Variants in GPR158 observed in about 807,000 individuals in gnomAD.
GPR158 encodes metabotropic glycine receptor.
In GPR158, 30 loss-of-function variants were observed where a neutral mutation model predicts 78.2. The ratio of observed to expected loss-of-function variants is 0.38; its 90% CI spans 0.29 to 0.52. The LOEUF (loss-of-function observed/expected upper bound fraction) is 0.52, where lower values mean the gene tolerates loss of function less well. Among genes scored for constraint, GPR158 ranks in the 20% least tolerant of loss-of-function variants. The probability of loss-of-function intolerance (pLI) is 0.83; values close to 1 mark genes in which losing one functional copy is unlikely to be tolerated. For synonymous variants in GPR158, 581 were observed against 591.1 expected (o/e 0.98, Z 0.25); for missense variants, 1,463 against 1,523.5 (o/e 0.96, Z 0.66).
chr10:25,563,891 T>TAGTTTA (rs1481926890), intron 6 of GPR158, among the ~76,000 whole-genome samples: 2 of 152,168 alleles, frequency 1.3e-5, no homozygotes, highest in African/African-American at 4.8e-5. Context: ...AGGTATCGTT[T>TAGTTTA]CTATTAGTGT....
At chr10:25,188,254 G>A (rs982536241) in intron 1 of GPR158, among the ~76,000 whole-genome samples, 2 of 152,140 alleles carry the variant, frequency 1.3e-5, no homozygotes, top group African/African-American at 2.4e-5. Context: ...AGCTCCCAAT[G>A]ACTTTCTTCA....
Position 25,531,119 on chromosome 10 carries a change from A to G in GPR158, c.1405-19857A>G, listed in dbSNP as rs1836417057. Among the ~76,000 whole-genome samples, 5 of 152,358 alleles carry G rather than the reference A, an allele frequency of 3.3e-5. No individual in the cohort carries two copies. In the South Asian group the frequency reaches 1.0e-3, roughly 32 times the overall value. ...TGATTAGTAAGAAAAATATTCTTGAACAATTCTTTTTTTGGAACCTTTAAG... is the reference window on the plus strand; with the variant it reads ...TGATTAGTAAGAAAAATATTCTTGAGCAATTCTTTTTTTGGAACCTTTAAG... On this transcript the variant is annotated intron_variant, in intron 5 of 10. Coordinates refer to ENST00000376351, the MANE Select transcript of GPR158 (RefSeq NM_020752.3).
At chr10:25,329,001 A>G (rs1855079061) in intron 2 of GPR158, among the ~76,000 whole-genome samples, 1 of 151,492 alleles carries the variant, frequency 6.6e-6, no homozygotes, top group Non-Finnish European at 1.5e-5. Context: ...TCAGTTTAGT[A>G]ATGTTTCTGT....
chr10:25,368,247 T>C (rs1475027735), intron 2 of GPR158, among the ~76,000 whole-genome samples: 1 of 151,802 alleles, frequency 6.6e-6, no homozygotes, highest in Admixed American at 6.6e-5. Context: ...AATCCTTGTT[T>C]CAGGATCTAC....
chr10:25,301,827 A>AT (rs138590721), intron 2 of GPR158, among the ~76,000 whole-genome samples: 30,746 of 151,994 alleles, frequency 0.2, 5,251 homozygotes, highest in African/African-American at 0.47. Flanking sequence ...CCACTTGCCA[A>AT]TAAGATGTGT....
At chr10:25,253,135 G>A (rs894889767) in intron 2 of GPR158, among the ~76,000 whole-genome samples, 9 of 150,980 alleles carry the variant, frequency 6.0e-5, no homozygotes, top group African/African-American at 1.7e-4. Flanking sequence ...GACCCCTTGC[G>A]CTTCCCAGGT....
intron 1 of GPR158, among the ~76,000 whole-genome samples, chr10:25,204,826 T>TTTTG (rs1852997347): frequency 6.6e-6 from 1 of 151,202 alleles, no homozygotes; most frequent in Admixed American, 6.6e-5. Flanking sequence ...GGGTTTTTTT[T>TTTTG]TTTTTTTTTT....
intron 4 of GPR158, among the ~76,000 whole-genome samples, chr10:25,456,744 C>G (rs893799639): frequency 6.6e-6 from 1 of 151,940 alleles, no homozygotes; most frequent in African/African-American, 2.4e-5. Context: ...TTGAACTTCT[C>G]TAAATATAAA....
At chr10:25,347,419 T>C (rs1281678025) in intron 2 of GPR158, among the ~76,000 whole-genome samples, 1 of 152,034 alleles carries the variant, frequency 6.6e-6, no homozygotes, top group Non-Finnish European at 1.5e-5. Flanking sequence ...GTTCTATCTG[T>C]CAACTGTTTT....
chr10:25,315,170 G>T (rs1369034265), intron 2 of GPR158, among the ~76,000 whole-genome samples: 1 of 151,782 alleles, frequency 6.6e-6, no homozygotes, highest in Non-Finnish European at 1.5e-5. Flanking sequence ...CAGAGTTTTG[G>T]TCTGCTATTT....
At chr10:25,251,012 A>T (rs1003266278) in intron 2 of GPR158, among the ~76,000 whole-genome samples, 1 of 151,698 alleles carries the variant, frequency 6.6e-6, no homozygotes, top group Non-Finnish European at 1.5e-5. Flanking sequence ...TTGGGTGCAT[A>T]TATATTTAGG....
rs1160369377 is a variant in GPR158 at position 25,176,876 on chromosome 10, G to A, written c.902+554G>A. On this transcript the variant is annotated intron_variant, in intron 1 of 10. Coordinates refer to ENST00000376351, the MANE Select transcript of GPR158 (RefSeq NM_020752.3). This position sits in a 1 kb window ranked among gnomAD's most constrained non-coding sequence, Gnocchi z 6.3. ...ATTAAAACTGTGCCATCTCCTCGCA[G>A]TTCCGGCCCCTCAGCAGTGAGTCAG... 6.6e-6 allele frequency among the ~76,000 whole-genome samples: 1 copy of A among 152,210 alleles called. No individual in the cohort carries two copies. The highest frequency in any genetic ancestry group is 2.4e-5 in the African/African-American group (1 of 41,452).
chr10:25,579,757 C>T (rs1837162715), intron 7 of GPR158, among the ~76,000 whole-genome samples: 1 of 152,196 alleles, frequency 6.6e-6, no homozygotes, highest in Non-Finnish European at 1.5e-5. Flanking sequence ...ACAGTTTCTT[C>T]CAGAAGTTAG....
rs371327078 is a variant in GPR158, at chr10:25,175,388, C to A, written c.-33C>A. 3 of 1,338,318 alleles carry A rather than the reference C, an allele frequency of 2.2e-6. No individual in the cohort carries two copies. The highest frequency in any genetic ancestry group is 3.1e-6 in the Non-Finnish European group (3 of 973,908). 82.9% of individuals were successfully genotyped at this position (1,338,318 alleles called of 1,614,324 possible). On this transcript the variant is annotated 5_prime_UTR_variant, in exon 1 of 11. Coordinates refer to ENST00000376351, the MANE Select transcript of GPR158 (RefSeq NM_020752.3). This position sits in a 1 kb window ranked among gnomAD's most constrained non-coding sequence, Gnocchi z 6.4. ...CAAATTTAAAAAGTGATTCCCCCCCCTCCCGTTCCCTCCTCTTCTCTCTGG... is the reference window on the plus strand; with the variant it reads ...CAAATTTAAAAAGTGATTCCCCCCCATCCCGTTCCCTCCTCTTCTCTCTGG...
Position 25,175,786 on chromosome 10 carries a change from G to T in GPR158, c.366G>T (p.Leu122Phe). ...WPALASAHPS[L>F]HRALDTLTHA... ...CCCTGGCCAGCGCGCACCCCTCCTT[G>T]CACCGGGCGCTGGACACACTGACAC... Residue 122 changes from leucine (L) to phenylalanine (F), a missense_variant, in exon 1 of 11, where the codon TTG (leucine) becomes TTT (phenylalanine). Transcript: ENST00000376351. The surrounding 1 kb of genome is among the most constrained non-coding windows in gnomAD (Gnocchi z 6.4). 1.9e-6 allele frequency: 3 copies of T among 1,611,356 alleles called. No individual in the cohort carries two copies. The highest frequency in any genetic ancestry group is 2.5e-6 in the Non-Finnish European group (3 of 1,179,958).
chr10:25,324,834 T>TCTTTCTTTCTTTCTTTC (rs1396559758), intron 2 of GPR158, among the ~76,000 whole-genome samples: 1 of 147,142 alleles, frequency 6.8e-6, no homozygotes, highest in African/African-American at 2.5e-5. Flanking sequence ...TTTCTTTCTT[T>TCTTTCTTTCTTTCTTTC]TTTTTTTTTT....
chr10:25,354,105 G>A (rs1855513742), intron 2 of GPR158, among the ~76,000 whole-genome samples: 1 of 152,046 alleles, frequency 6.6e-6, no homozygotes, highest in African/African-American at 2.4e-5. Flanking sequence ...TGTAAACCCA[G>A]CACTTTAGGA....
intron 2 of GPR158, among the ~76,000 whole-genome samples, chr10:25,371,279 G>A (rs1218139917): frequency 1.3e-5 from 2 of 151,894 alleles, no homozygotes; most frequent in East Asian, 1.9e-4. Flanking sequence ...GTCTTTACAT[G>A]TTGGAATGAT....
intron 5 of GPR158, among the ~76,000 whole-genome samples, chr10:25,508,900 A>G (rs1272879145): frequency 2.0e-5 from 3 of 152,286 alleles, no homozygotes; most frequent in African/African-American, 7.2e-5. Context: ...TGTCAGCTGC[A>G]GGTATGTTTT....
Sources: allele counts gnomAD v4.1 joint callset (sites outside exome capture counted in the v4.1 genomes callset), GRCh38; gene constraint gnomAD v4.1.1; non-coding constraint Gnocchi (gnomAD v3.1); transcripts MANE v1.5; gene names NCBI Gene and HGNC (gene_info 2026-07-23, HGNC 2026-07-21).